Variants in ABCC9 observed in about 807,000 individuals in gnomAD.
ABCC9 encodes ATP-binding cassette sub-family C member 9.
In ABCC9, 95 loss-of-function variants were observed where a neutral mutation model predicts 188.3. The observed-to-expected ratio is 0.50, with a 90% confidence interval of 0.43 to 0.60. The LOEUF is 0.60. Among genes scored for constraint, ABCC9 ranks in the 20% least tolerant of loss-of-function variants. The pLI, the probability that ABCC9 is intolerant of heterozygous loss-of-function variation, is 0.00. For synonymous variants in ABCC9, 659 were observed against 652.7 expected (o/e 1.01, Z -0.15); for missense variants, 1,102 against 1,876.3 (o/e 0.59, Z 7.62).
chr12:21,836,285 T>A (rs1365615865), intron 30 of ABCC9, among the ~76,000 whole-genome samples: 4 of 152,170 alleles, frequency 2.6e-5, no homozygotes, highest in Non-Finnish European at 4.4e-5. Context: ...ATTGAAAGGA[T>A]CCAGTCTAAG....
intron 14 of ABCC9, among the ~76,000 whole-genome samples, chr12:21,892,547 T>G (rs1404806211): frequency 6.6e-6 from 1 of 152,168 alleles, no homozygotes; most frequent in Non-Finnish European, 1.5e-5. Context: ...AAGTAGTCAG[T>G]GATCCGGACA....
intron 2 of ABCC9, among the ~76,000 whole-genome samples, chr12:21,937,712 T>A (rs556524962): frequency 1.1e-3 from 163 of 152,298 alleles, no homozygotes; most frequent in African/African-American, 3.5e-3. Flanking sequence ...ATATCTTAAA[T>A]CCTCAGAACA....
chr12:21,929,550 GTAAA>G (rs1949190457), intron 4 of ABCC9, among the ~76,000 whole-genome samples: 1 of 151,876 alleles, frequency 6.6e-6, no homozygotes, highest in Admixed American at 6.6e-5. Context: ...CAGATATTAA[GTAAA>G]TAATTCATAA....
In ABCC9 at chr12:21,805,204, G is replaced by T. The variant is rs1348297638; in HGVS notation, c.4512+794C>A. On this transcript the variant is annotated intron_variant, in intron 39 of 39. Coordinates refer to ENST00000261200, the MANE Select transcript of ABCC9 (RefSeq NM_020297.4). ...TGTTGGTCATCACCAAAGTGGAAAA[G>T]AGGCCATTCTTGTGGGCGAGCAAAT... 21 of 1,613,930 alleles carry T rather than the reference G, an allele frequency of 1.3e-5. No homozygotes were observed. The highest frequency in any genetic ancestry group is 1.8e-5 in the Non-Finnish European group (21 of 1,179,980).
At chr12:21,896,100 CTTTTCT>C (rs1565458216) in intron 12 of ABCC9, among the ~76,000 whole-genome samples, 128 of 25,146 alleles carry the variant, frequency 5.1e-3, no homozygotes, top group Admixed American at 5.7e-3. Flanking sequence ...TTTTTTTTTA[CTTTTCT>C]TTTTTTTTTT....
intron 30 of ABCC9, among the ~76,000 whole-genome samples, chr12:21,833,794 T>G (rs80279532): frequency 0.015 from 2,338 of 152,254 alleles, 21 homozygotes; most frequent in South Asian, 0.026. Flanking sequence ...CTTGGGCACT[T>G]AACATACTCC....
chr12:21,800,924 T>G lies in ABCC9; in HGVS notation c.*120A>C. On this transcript the variant is annotated 3_prime_UTR_variant, in exon 40 of 40. Transcript: ENST00000261200. The stretch of plus-strand genomic sequence containing the variant: ...AAAAACAGGAAAAATAAATGTCCAC[T>G]TTTTGTGCAAAAATCTGTAAAAGTT... 8.2e-7 allele frequency: 1 copy of G among 1,222,854 alleles called. No homozygotes were observed. Among genetic ancestry groups the G allele is most frequent in the Non-Finnish European group, 1.2e-6 (1 of 866,906 alleles). The allele number at this position is 1,222,854 out of a possible 1,614,324, so 75.8% of individuals were successfully genotyped here. A position where few individuals can be genotyped will look rare whatever the true frequency, so the allele number is the denominator to read the frequency against.
At chr12:21,902,882 T>C (rs1592192233) in intron 12 of ABCC9, among the ~76,000 whole-genome samples, 1 of 152,112 alleles carries the variant, frequency 6.6e-6, no homozygotes, top group East Asian at 1.9e-4. Flanking sequence ...GCTGGTACCA[T>C]CCTTCTGAAA....
At chr12:21,802,671 A>G (rs749646235) in intron 39 of ABCC9, among the ~76,000 whole-genome samples, 21 of 152,292 alleles carry the variant, frequency 1.4e-4, no homozygotes, top group South Asian at 8.3e-4. Flanking sequence ...ACCATACGGA[A>G]CCTGAACTAT....
chr12:21,901,521 A>T (rs932517811), intron 12 of ABCC9, among the ~76,000 whole-genome samples: 1 of 152,232 alleles, frequency 6.6e-6, no homozygotes. Context: ...AATTGGATAA[A>T]GAGTCATGAC....
At chr12:21,883,525 A>G (rs1218133358) in intron 15 of ABCC9, among the ~76,000 whole-genome samples, 1 of 152,126 alleles carries the variant, frequency 6.6e-6, no homozygotes, top group Admixed American at 6.6e-5. Context: ...TCCTTTATAA[A>G]TTACCCAGTC....
chr12:21,872,690 C>T lies in ABCC9; in HGVS notation c.2133G>A (p.Lys711=). The change falls in exon 18 of 40, where the codon AAG becomes AAA. Residue 711 remains lysine, a synonymous_variant. Transcript: ENST00000261200. ...CGAGGATGGCAAGGAGAAGAGAGGA[C>T]TTCCCACATCCTACTTGGCCCACAA... is the stretch of plus-strand genomic sequence containing the variant. ...TMIVGQVGCG[K]SSLLLAILGE... 1 of 1,613,834 alleles carries T rather than the reference C, an allele frequency of 6.2e-7. No individual in the cohort carries two copies. Among genetic ancestry groups the T allele is most frequent in the South Asian group, 1.1e-5 (1 of 91,080 alleles).
chr12:21,871,996 T>C (rs1946107619), intron 18 of ABCC9, among the ~76,000 whole-genome samples: 1 of 152,214 alleles, frequency 6.6e-6, no homozygotes, highest in South Asian at 2.1e-4. Context: ...TCTGAATCAC[T>C]TTATTACCAC....
chr12:21,874,884 G>T (rs1946262454), intron 17 of ABCC9, among the ~76,000 whole-genome samples: 1 of 151,560 alleles, frequency 6.6e-6, no homozygotes, highest in Non-Finnish European at 1.5e-5. Context: ...TAGAATTGTG[G>T]GTTCCAGGAG....
chr12:21,919,575 T>C (rs1948726511), intron 5 of ABCC9, among the ~76,000 whole-genome samples: 1 of 151,958 alleles, frequency 6.6e-6, no homozygotes, highest in African/African-American at 2.4e-5. Context: ...TTACTAGATA[T>C]AAAAAAGTAT....
chr12:21,850,107 G>A (rs1385338985), intron 24 of ABCC9, among the ~76,000 whole-genome samples: 3 of 151,044 alleles, frequency 2.0e-5, no homozygotes, highest in African/African-American at 7.3e-5. Context: ...GCTGGACAAC[G>A]CACTGTTGCA....
intron 15 of ABCC9, among the ~76,000 whole-genome samples, chr12:21,886,288 G>C (rs1252666004): frequency 6.6e-6 from 1 of 151,816 alleles, no homozygotes; most frequent in Non-Finnish European, 1.5e-5. Context: ...TCATTTCTCA[G>C]CCTCCCTATT....
intron 17 of ABCC9, among the ~76,000 whole-genome samples, chr12:21,874,482 A>G (rs966268180): frequency 5.3e-5 from 8 of 152,226 alleles, no homozygotes; most frequent in African/African-American, 1.9e-4. Flanking sequence ...TAGAATTGCC[A>G]TATGATCCAG....
At chr12:21,916,907 G>A in intron 6 of ABCC9, 30 bp downstream of exon 6, 1 of 1,571,044 alleles carries the variant, frequency 6.4e-7, no homozygotes, top group Non-Finnish European at 8.6e-7. Flanking sequence ...TTGAATCCAA[G>A]TAACTAAACA....
Sources: allele counts gnomAD v4.1 joint callset (sites outside exome capture counted in the v4.1 genomes callset), GRCh38; gene constraint gnomAD v4.1.1; transcripts MANE v1.5; gene names NCBI Gene and HGNC (gene_info 2026-07-23, HGNC 2026-07-21).